The following LRRC7 variants were observed in gnomAD, a reference collection of about 807,000 sequenced individuals.
LRRC7 encodes leucine rich repeat containing 7, also known as leucine-rich repeat-containing protein 7.
Under a neutral mutation model 175.7 loss-of-function variants are expected in LRRC7, and 23 were observed. That is an observed-to-expected ratio of 0.13 (90% CI 0.09 to 0.19). The LOEUF is 0.19. Ranked by LOEUF, LRRC7 falls within the 10% of genes least tolerant of loss-of-function variation. The probability of loss-of-function intolerance (pLI) is 1.00; values close to 1 mark genes in which losing one functional copy is unlikely to be tolerated. For missense variants in LRRC7, 1,354 were observed against 1,904.7 expected, an observed-to-expected ratio of 0.71 and a Z score of 5.38; for synonymous variants, 685 against 680.9, an observed-to-expected ratio of 1.01 and a Z score of -0.09.
At chr1:69,621,212 T>C (rs1005178560) in intron 1 of LRRC7, among the ~76,000 whole-genome samples, 1 of 152,018 alleles carries the variant, frequency 6.6e-6, no homozygotes, top group Non-Finnish European at 1.5e-5. Flanking sequence ...GCCCGGCTAA[T>C]TTTTTATGGT....
At chr1:69,733,154 T>C (rs1667765207) in intron 2 of LRRC7, among the ~76,000 whole-genome samples, 2 of 152,082 alleles carry the variant, frequency 1.3e-5, no homozygotes, top group African/African-American at 2.4e-5. Flanking sequence ...GAAAAAAAGA[T>C]GCTTTGACTC....
chr1:70,015,087 A>G (rs943002337), intron 13 of LRRC7, among the ~76,000 whole-genome samples: 1 of 152,114 alleles, frequency 6.6e-6, no homozygotes, highest in African/African-American at 2.4e-5. Flanking sequence ...GTGAATTGAA[A>G]TAACTTTTAG....
At chr1:69,695,432 A>C (rs569331556) in intron 2 of LRRC7, among the ~76,000 whole-genome samples, 2 of 152,354 alleles carry the variant, frequency 1.3e-5, no homozygotes, top group African/African-American at 4.8e-5. Flanking sequence ...CACAGCATAA[A>C]AGTTTAGAAA....
intron 2 of LRRC7, among the ~76,000 whole-genome samples, chr1:69,758,137 G>T (rs1386553388): frequency 6.6e-6 from 1 of 152,074 alleles, no homozygotes. Flanking sequence ...TTTACTGGGT[G>T]CCTACTATGT....
intron 18 of LRRC7, among the ~76,000 whole-genome samples, chr1:70,034,677 A>C (rs1025053254): frequency 4.6e-5 from 7 of 152,236 alleles, no homozygotes; most frequent in South Asian, 2.1e-4. Context: ...ATCCTGCTGC[A>C]GTGCTGGATC....
At chr1:70,063,958 T>C (rs535492256) in intron 23 of LRRC7, among the ~76,000 whole-genome samples, 9 of 152,154 alleles carry the variant, frequency 5.9e-5, no homozygotes, top group Non-Finnish European at 1.0e-4. Flanking sequence ...GCTGCTATGC[T>C]AAGACACTTA....
At chr1:70,088,211 C>T (rs144391308) in intron 24 of LRRC7, among the ~76,000 whole-genome samples, 2 of 152,162 alleles carry the variant, frequency 1.3e-5, no homozygotes, top group African/African-American at 2.4e-5. Flanking sequence ...TAATCTTTTG[C>T]CTGCTAACCT....
At chr1:69,920,184 G>C (rs1646846693) in intron 7 of LRRC7, 1 of 175,362 alleles carries the variant, frequency 5.7e-6, no homozygotes, top group Admixed American at 6.1e-5. Flanking sequence ...AGGCAGATGC[G>C]AGGGCCCAGA....
At chr1:69,583,947 G>T (rs1194661285) in intron 1 of LRRC7, among the ~76,000 whole-genome samples, 1 of 152,068 alleles carries the variant, frequency 6.6e-6, no homozygotes, top group Non-Finnish European at 1.5e-5. Context: ...GCCTCTTAAT[G>T]AATATCTTCT....
At chr1:69,844,907 T>C (rs1198699252) in intron 7 of LRRC7, among the ~76,000 whole-genome samples, 1 of 152,110 alleles carries the variant, frequency 6.6e-6, no homozygotes, top group African/African-American at 2.4e-5. Context: ...CAGATAAAAT[T>C]ATTAACTGTA....
intron 8 of LRRC7, among the ~76,000 whole-genome samples, chr1:69,963,357 G>C (rs912567730): frequency 6.6e-6 from 1 of 151,578 alleles, no homozygotes; most frequent in South Asian, 2.1e-4. Flanking sequence ...CATTTGCAAA[G>C]ACCAGATTGC....
intron 2 of LRRC7, among the ~76,000 whole-genome samples, chr1:69,680,680 A>T (rs1413647565): frequency 2.7e-5 from 4 of 145,870 alleles, no homozygotes; most frequent in African/African-American, 1.0e-4. Context: ...AAAAGCCACA[A>T]TTTTTTTTTT....
intron 2 of LRRC7, among the ~76,000 whole-genome samples, chr1:69,742,025 TA>T (rs1668767744): frequency 6.6e-6 from 1 of 151,974 alleles, no homozygotes; most frequent in Non-Finnish European, 1.5e-5. Flanking sequence ...AACATAATTT[TA>T]AAAGAGCAAG....
intron 7 of LRRC7, among the ~76,000 whole-genome samples, chr1:69,864,921 T>C (rs2101550055): frequency 6.6e-6 from 1 of 152,092 alleles, no homozygotes; most frequent in East Asian, 1.9e-4. Flanking sequence ...GAGAAAACAG[T>C]GACAATTATT....
At chr1:69,713,105 AT>A (rs2100741389) in intron 2 of LRRC7, among the ~76,000 whole-genome samples, 1 of 152,266 alleles carries the variant, frequency 6.6e-6, no homozygotes, top group East Asian at 1.9e-4. Flanking sequence ...GTAATAATAT[AT>A]TTTAGGCATA....
In LRRC7 at chr1:70,131,137, T is replaced by A. The variant is rs1314192906; in HGVS notation, c.*9250T>A. Among the ~76,000 whole-genome samples, 2 of 152,188 alleles carry A rather than the reference T, an allele frequency of 1.3e-5. No individual in the cohort carries two copies. Among genetic ancestry groups the A allele is most frequent in the Non-Finnish European group, 2.9e-5 (2 of 68,024 alleles). Reference sequence around the variant, plus strand: ...CACAGAAAAAAAATCAGGGTTACCTTGACAAAACCATGTTACCCCTCCCAA... The same window carrying A: ...CACAGAAAAAAAATCAGGGTTACCTAGACAAAACCATGTTACCCCTCCCAA... On this transcript the variant is annotated 3_prime_UTR_variant, in exon 27 of 27. Coordinates refer to ENST00000651989, the MANE Select transcript of LRRC7 (RefSeq NM_001370785.2).
At chr1:70,121,127 A>G (rs77313370) in intron 26 of LRRC7, among the ~76,000 whole-genome samples, 1 of 152,074 alleles carries the variant, frequency 6.6e-6, no homozygotes. Context: ...ATTCTTAAAC[A>G]GAAGACAGCA....
chr1:69,874,812 G>T (rs1685893685), intron 7 of LRRC7: 1 of 151,968 alleles, frequency 6.6e-6, no homozygotes. Context: ...TGTAAATGCT[G>T]ATTTTTCCAT....
intron 24 of LRRC7, among the ~76,000 whole-genome samples, chr1:70,078,687 C>T (rs918452514): frequency 3.3e-5 from 5 of 152,100 alleles, no homozygotes; most frequent in African/African-American, 9.7e-5. Context: ...AAGTTGTTAA[C>T]TCTTCCTGAG....
Sources: gnomAD v4.1 joint callset for allele counts (sites outside exome capture counted in the v4.1 genomes callset) on GRCh38, gnomAD v4.1.1 for gene constraint, MANE v1.5 for transcripts, NCBI Gene and HGNC (gene_info 2026-07-23, HGNC 2026-07-21) for gene names.